Variants in NUP88 observed in about 807,000 individuals in gnomAD.
NUP88 encodes the protein nucleoporin 88.
A neutral mutation model predicts 93.9 loss-of-function variants in NUP88; 57 were observed. That is an observed-to-expected ratio of 0.61 (90% CI 0.49 to 0.76). NUP88 has a LOEUF of 0.76. Ranked by LOEUF, NUP88 falls within the 30% of genes least tolerant of loss-of-function variation. The probability of loss-of-function intolerance (pLI) is 0.00; values close to 1 mark genes in which losing one functional copy is unlikely to be tolerated. For synonymous variants in NUP88, 346 were observed against 336.8 expected (o/e 1.03, Z -0.30); for missense variants, 911 against 901.0 (o/e 1.01, Z -0.14).
intron 5 of NUP88, among the ~76,000 whole-genome samples, chr17:5,408,273 A>T (rs906296584): frequency 1.3e-5 from 2 of 152,150 alleles, no homozygotes; most frequent in Non-Finnish European, 2.9e-5. Flanking sequence ...CTCCTTCTCT[A>T]CGAAAATTTC....
rs1912108903 is a variant in NUP88 at position 5,387,622 on chromosome 17, A to T, written c.1818T>A (p.Ser606Arg). The T allele has an allele frequency of 6.2e-7, 1 of 1,613,170 alleles. No homozygotes were observed. Among genetic ancestry groups the T allele is most frequent in the Admixed American group, 1.7e-5 (1 of 59,888 alleles). ...DQKKKQLEDL[S>R]YCREERKSLR... is the part of the protein sequence containing the mutation. ...ACACTTACCTCTCTTCTCGACAATAACTGAGATCTTCTAGTTGTTTCTTTT... is the reference window on the plus strand; with the variant it reads ...ACACTTACCTCTCTTCTCGACAATATCTGAGATCTTCTAGTTGTTTCTTTT... The change falls in exon 13 of 17, where the codon AGT becomes AGA. Residue 606 changes from serine (S) to arginine (R), a missense_variant. By Grantham distance (110) the Ser-to-Arg change is moderately radical. Coordinates refer to ENST00000573584, the MANE Select transcript of NUP88 (RefSeq NM_002532.6).
chr17:5,400,698 T>C (rs997435276), intron 7 of NUP88, among the ~76,000 whole-genome samples: 5 of 152,148 alleles, frequency 3.3e-5, no homozygotes, highest in African/African-American at 1.2e-4. Flanking sequence ...TACATCGACT[T>C]AAATAAAATT....
chr17:5,405,006 G>T, intron 6 of NUP88, 51 bp downstream of exon 6: 5 of 1,496,136 alleles, frequency 3.3e-6, no homozygotes, highest in South Asian at 1.2e-5. Flanking sequence ...ATTGGGTCAG[G>T]AACTATGCCA....
chr17:5,390,706 G>GT (rs58404385), intron 10 of NUP88, among the ~76,000 whole-genome samples: 449 of 148,942 alleles, frequency 3.0e-3, no homozygotes, highest in South Asian at 0.011. Context: ...CAGCTTTTTT[G>GT]TTTTTTTTTT....
intron 2 of NUP88, among the ~76,000 whole-genome samples, chr17:5,416,159 A>AGTATATAT (rs1302350232): frequency 4.2e-5 from 3 of 70,982 alleles, no homozygotes; most frequent in Admixed American, 1.5e-4. Context: ...AAAAAAAAAA[A>AGTATATAT]AAAAAAAGTA....
chr17:5,397,641 T>C (rs1165632328), intron 8 of NUP88, among the ~76,000 whole-genome samples: 1 of 152,216 alleles, frequency 6.6e-6, no homozygotes, highest in East Asian at 1.9e-4. Context: ...AACTATAAGA[T>C]AACAAATTTG....
chr17:5,390,998 A>G (rs183988981), intron 10 of NUP88, among the ~76,000 whole-genome samples: 1 of 152,252 alleles, frequency 6.6e-6, no homozygotes, highest in East Asian at 1.9e-4. Flanking sequence ...ATTCCAGTTT[A>G]CATAGTCTAC....
chr17:5,405,206 T>C lies in NUP88; in HGVS notation c.895A>G (p.Met299Val), dbSNP rs757308022. 1.7e-5 allele frequency: 27 copies of C among 1,614,102 alleles called. No homozygotes were observed. The highest frequency in any genetic ancestry group is 2.2e-5 in the East Asian group (1 of 44,870). The stretch of plus-strand genomic sequence containing the variant: ...TAGTTATCTTCAGCCGCAGGATGCA[T>C]GGGCAATGGACCCAACAGCTTTCCA... Reference protein sequence around the residue: ...NIGKLLGPLPMHPAAEDNYGY... With the variant: ...NIGKLLGPLPVHPAAEDNYGY... The change falls in exon 6 of 17, where the codon ATG becomes GTG. Residue 299 changes from methionine (M) to valine (V), a missense_variant. By Grantham distance (21) the Met-to-Val change is conservative. Coordinates refer to ENST00000573584, the MANE Select transcript of NUP88 (RefSeq NM_002532.6).
chr17:5,390,103 T>C (rs1912316424), intron 10 of NUP88, among the ~76,000 whole-genome samples: 1 of 149,116 alleles, frequency 6.7e-6, no homozygotes, highest in East Asian at 2.0e-4. Flanking sequence ...AGGCAGAGGT[T>C]GCAGTGAGCT....
chr17:5,399,045 C>G (rs747734508), intron 8 of NUP88, among the ~76,000 whole-genome samples: 1 of 151,802 alleles, frequency 6.6e-6, no homozygotes, highest in Admixed American at 6.6e-5. Context: ...CCCGCCACCA[C>G]GCCCGGAGAA....
chr17:5,387,378 C>T lies in NUP88; in HGVS notation c.1916+8G>A. On this transcript the variant is annotated splice_region_variant and intron_variant, in intron 14 of 16. Coordinates refer to ENST00000573584, the MANE Select transcript of NUP88 (RefSeq NM_002532.6). Reference sequence around the variant, plus strand: ...ACTAGGTAACTAAATGTTATACAGCCCACTGACCTGTTCATGATATCCTCT... The same window carrying T: ...ACTAGGTAACTAAATGTTATACAGCTCACTGACCTGTTCATGATATCCTCT... 1 of 1,608,642 alleles carries T rather than the reference C, an allele frequency of 6.2e-7. No individual in the cohort carries two copies. The highest frequency in any genetic ancestry group is 8.5e-7 in the Non-Finnish European group (1 of 1,175,130).
intron 5 of NUP88, 96 bp downstream of exon 5, chr17:5,408,637 C>G (rs545924755): frequency 2.8e-4 from 258 of 913,092 alleles, no homozygotes; most frequent in Non-Finnish European, 4.0e-4. Context: ...AACATTTCCA[C>G]AGACTCAAAA....
Position 5,394,966 on chromosome 17 carries a change from T to C in NUP88, c.1307A>G (p.Asp436Gly). Residue 436 changes from aspartate (D) to glycine (G), a missense_variant, in exon 9 of 17, where the codon GAT (aspartate) becomes GGT (glycine). Asp to Gly is a moderately conservative substitution (Grantham distance 94). Transcript: ENST00000573584. ...KFLGSDEEDK[D>G]SLQELSTEQK... ...TTCTGTAGAGAGTTCCTGTAAACTA[T>C]CCTTATCTTCTTCATCTACCATGGA... The C allele has an allele frequency of 6.2e-7, 1 of 1,604,924 alleles. No individual in the cohort carries two copies. Among genetic ancestry groups the C allele is most frequent in the South Asian group, 1.1e-5 (1 of 90,886 alleles).
rs1390629334 is a variant in NUP88 at position 5,388,064 on chromosome 17, T to C, written c.1644-160A>G. 9.9e-6 allele frequency: 6 copies of C among 608,510 alleles called. No individual in the cohort carries two copies. The Middle Eastern group carries it at 2.0e-3, about 207-fold the overall frequency. 37.7% of individuals were successfully genotyped at this position (608,510 alleles called of 1,614,324 possible). On this transcript the variant is annotated intron_variant, in intron 11 of 16. Coordinates refer to ENST00000573584, the MANE Select transcript of NUP88 (RefSeq NM_002532.6). ...CACCCAGGCTGGAGTGCATTGGTGC[T>C]ATCTCGGCTCACTGCAACCTCCACC...
intron 3 of NUP88, among the ~76,000 whole-genome samples, chr17:5,411,334 T>A (rs574002245): frequency 1.3e-5 from 2 of 152,004 alleles, no homozygotes; most frequent in South Asian, 4.1e-4. Flanking sequence ...GAGGCCGAGG[T>A]GAGCAGATCA....
Position 5,411,491 on chromosome 17 carries a change from G to GA in NUP88, c.594-703dup, listed in dbSNP as rs552123689. 1.3e-4 allele frequency among the ~76,000 whole-genome samples: 20 copies of GA among 151,820 alleles called. No individual in the cohort carries two copies. The South Asian group carries it at 4.2e-3, about 32-fold the overall frequency. On this transcript the variant is annotated intron_variant, in intron 3 of 16. Coordinates refer to ENST00000573584, the MANE Select transcript of NUP88 (RefSeq NM_002532.6). ...AGGCAGGAGAATCACTTGAACCTGGGAGGTGGAGGTTGCGGTGAGCTGGAG... is the reference window on the plus strand; with the variant it reads ...AGGCAGGAGAATCACTTGAACCTGGGAAGGTGGAGGTTGCGGTGAGCTGGAG...
At chr17:5,406,208 A>G (rs1214969028) in intron 5 of NUP88, among the ~76,000 whole-genome samples, 2 of 152,252 alleles carry the variant, frequency 1.3e-5, no homozygotes, top group Admixed American at 6.5e-5. Flanking sequence ...GAAGAAAGCT[A>G]TAAAAAATAA....
chr17:5,414,110 A>G lies in NUP88; in HGVS notation c.492T>C (p.Phe164=). The G allele has an allele frequency of 6.2e-7, 1 of 1,613,836 alleles. No homozygotes were observed. Among genetic ancestry groups the G allele is most frequent in the Non-Finnish European group, 8.5e-7 (1 of 1,179,746 alleles). Residue 164 remains phenylalanine, a synonymous_variant, in exon 3 of 17, where the codon TTT becomes TTC. Coordinates refer to ENST00000573584, the MANE Select transcript of NUP88 (RefSeq NM_002532.6). The stretch of plus-strand genomic sequence containing the variant: ...GAGTCAGAGAGGTGGAACTGGTGAA[A>G]AATCTCTCCGCAACTGGAGTGGTAC... ...NCSTTPVAER[F]FTSSTSLTLK...
intron 8 of NUP88, among the ~76,000 whole-genome samples, chr17:5,396,631 T>C (rs1459592998): frequency 6.6e-6 from 1 of 152,194 alleles, no homozygotes; most frequent in African/African-American, 2.4e-5. Context: ...AGGTCTTCAT[T>C]TCTCTTGGAA....
Sources: allele counts gnomAD v4.1 joint callset (sites outside exome capture counted in the v4.1 genomes callset), GRCh38; gene constraint gnomAD v4.1.1; transcripts MANE v1.5; gene names NCBI Gene and HGNC (gene_info 2026-07-23, HGNC 2026-07-21).